TTC7A: variants seen among roughly 807,000 people sequenced by gnomAD.
TTC7A encodes tetratricopeptide repeat domain 7A.
Under a neutral mutation model 103.7 loss-of-function variants are expected in TTC7A, and 110 were observed. That is an observed-to-expected ratio of 1.06 (90% CI 0.91 to 1.24). The LOEUF is 1.24. TTC7A is among the 50% of genes most tolerant of loss of function. The probability of loss-of-function intolerance (pLI) is 0.00; values close to 1 mark genes in which losing one functional copy is unlikely to be tolerated. For missense variants in TTC7A, 1,340 were observed against 1,116.3 expected, an observed-to-expected ratio of 1.20 and a Z score of -2.86; for synonymous variants, 521 against 467.9, an observed-to-expected ratio of 1.11 and a Z score of -1.47.
chr2:47,021,897 C>T lies in TTC7A; in HGVS notation c.1428C>T (p.Ile476=), dbSNP rs1458638182. 1 of 1,614,194 alleles carries T rather than the reference C, an allele frequency of 6.2e-7. No homozygotes were observed. Among genetic ancestry groups the T allele is most frequent in the Non-Finnish European group, 8.5e-7 (1 of 1,179,998 alleles). Residue 476 remains isoleucine (I), a synonymous_variant, in exon 12 of 20, where the codon ATC becomes ATT. Coordinates refer to ENST00000319190, the MANE Select transcript of TTC7A (RefSeq NM_020458.4). The part of the protein sequence containing the change: ...EEAEHFAMMV[I]SLGEEAGEFL... The stretch of plus-strand genomic sequence containing the variant: ...CAGAGCACTTTGCCATGATGGTGAT[C>T]AGCCTCGGAGAGGAAGCCGGGGAGT...
intron 14 of TTC7A, among the ~76,000 whole-genome samples, chr2:47,024,598 C>A (rs1679680488): frequency 6.6e-6 from 1 of 152,148 alleles, no homozygotes; most frequent in Non-Finnish European, 1.5e-5. Context: ...CCTCACTCCC[C>A]CTACAACATT....
Position 47,021,862 on chromosome 2 carries a change from C to T in TTC7A, c.1393C>T (p.Leu465=). ...TGACCTCTGTCTCTCCTCTTTGCAG[C>T]TAGAGGAAGCAGAGCACTTTGCCAT... is the stretch of plus-strand genomic sequence containing the variant. ...AKVCIGSLRW[L]EEAEHFAMMV... Residue 465 remains leucine, a splice_region_variant and synonymous_variant, in exon 12 of 20, where the codon CTA becomes TTA. Coordinates refer to ENST00000319190, the MANE Select transcript of TTC7A (RefSeq NM_020458.4). The T allele has an allele frequency of 2.5e-6, 4 of 1,612,524 alleles. No homozygotes were observed. Among genetic ancestry groups the T allele is most frequent in the Non-Finnish European group, 3.4e-6 (4 of 1,178,504 alleles).
Position 47,006,605 on chromosome 2 carries a change from C to A in TTC7A, c.1204-36C>A, listed in dbSNP as rs189547636. 13 of 1,575,424 alleles carry A rather than the reference C, an allele frequency of 8.3e-6. No homozygotes were observed. In the African/African-American group the frequency reaches 1.8e-4, roughly 21 times the overall value. On this transcript the variant is annotated intron_variant, in intron 9 of 19. Transcript: ENST00000319190. ...TGCGGATGGCTGGGGTGGGAGGACC[C>A]CTGGTGGGTAAATGCTGACTATCTC...
intron 10 of TTC7A, among the ~76,000 whole-genome samples, chr2:47,009,449 C>T (rs114783442): frequency 0.047 from 7,082 of 152,208 alleles, 250 homozygotes; most frequent in South Asian, 0.11. Context: ...AGCACACCCT[C>T]GGCAAAGACA....
intron 11 of TTC7A, among the ~76,000 whole-genome samples, chr2:47,015,568 C>T (rs528047227): frequency 2.0e-5 from 3 of 152,318 alleles, no homozygotes; most frequent in South Asian, 2.1e-4. Context: ...GTCTGTGCCT[C>T]GGTTTCCTCA....
chr2:46,919,332 G>A (rs189935600), intron 2 of TTC7A, among the ~76,000 whole-genome samples: 14 of 152,318 alleles, frequency 9.2e-5, no homozygotes, highest in Admixed American at 7.8e-4. Flanking sequence ...TCAGGAGTTC[G>A]AGACCAGCCT....
At chr2:46,964,830 T>C (rs950577609) in intron 3 of TTC7A, among the ~76,000 whole-genome samples, 1 of 152,174 alleles carries the variant, frequency 6.6e-6, no homozygotes, top group Admixed American at 6.5e-5. Flanking sequence ...CTGCCATTTC[T>C]CCAGCCATTC....
At chr2:47,041,002 C>G (rs1407093139) in intron 15 of TTC7A, among the ~76,000 whole-genome samples, 1 of 152,192 alleles carries the variant, frequency 6.6e-6, no homozygotes, top group Non-Finnish European at 1.5e-5. Context: ...TTTCGGTATT[C>G]AGGCGTTTCG....
At position 47,006,187 on chromosome 2, in the gene TTC7A, G is replaced by A. The variant is rs181206388; in HGVS notation, c.1203+128G>A. ...CAGGCTGCTCTGCCGCTTTGACCTC[G>A]GCAAGTTGTACAAGTCTCAGCTTCC... On this transcript the variant is annotated intron_variant, in intron 9 of 19. Transcript: ENST00000319190. 2,339 of 1,220,102 alleles carry A rather than the reference G, an allele frequency of 1.9e-3. 5 individuals are homozygous for A. Among genetic ancestry groups the A allele is most frequent in the Non-Finnish European group, 2.4e-3 (2,101 of 891,632 alleles). 75.6% of individuals were successfully genotyped at this position (1,220,102 alleles called of 1,614,324 possible). A position where few individuals can be genotyped will look rare whatever the true frequency, so the allele number is the denominator to read the frequency against.
rs116131228 is a variant in TTC7A at position 47,006,832 on chromosome 2, G to A, written c.1287+108G>A. 1,184 of 910,204 alleles carry A rather than the reference G, an allele frequency of 1.3e-3. 10 individuals carry two copies. The African/African-American group carries it at 0.016, about 12-fold the overall frequency. 56.4% of individuals were successfully genotyped at this position (910,204 alleles called of 1,614,324 possible). A position where few individuals can be genotyped will look rare whatever the true frequency, so the allele number is the denominator to read the frequency against. On this transcript the variant is annotated intron_variant, in intron 10 of 19. Coordinates refer to ENST00000319190, the MANE Select transcript of TTC7A (RefSeq NM_020458.4). ...GGGAGTGGGTGGGTATTATCCTGCC[G>A]CTGGTTTGAACCTCCGGGAGAGTGA...
At chr2:47,009,909 TG>T (rs376337762) in intron 10 of TTC7A, among the ~76,000 whole-genome samples, 2 of 35,838 alleles carry the variant, frequency 5.6e-5, no homozygotes, top group Non-Finnish European at 1.2e-4. Flanking sequence ...TTTTTGGTGG[TG>T]GGGGGGACAG....
chr2:47,003,796 C>A (rs1166049122), intron 8 of TTC7A, among the ~76,000 whole-genome samples: 2 of 152,238 alleles, frequency 1.3e-5, no homozygotes, highest in African/African-American at 4.8e-5. Context: ...CCCGTCCTCT[C>A]ACACCCGAGC....
chr2:46,980,449 T>G (rs1242640870), intron 5 of TTC7A, among the ~76,000 whole-genome samples: 1 of 152,142 alleles, frequency 6.6e-6, no homozygotes, highest in Non-Finnish European at 1.5e-5. Flanking sequence ...TGGACTCAAG[T>G]GATCCTCCCG....
chr2:46,937,480 A>C, upstream of TTC7A, among the ~76,000 whole-genome samples: 1 of 152,250 alleles, frequency 6.6e-6, no homozygotes, highest in East Asian at 1.9e-4. The surrounding 1 kb of genome is among the most constrained non-coding windows in gnomAD (Gnocchi z 4.0). Flanking sequence ...TGGGACTTCG[A>C]ATTGTTTTAG....
At position 47,023,415 on chromosome 2, in the gene TTC7A, G is replaced by A. The variant is rs759226270; in HGVS notation, c.1518G>A (p.Leu506=). The A allele has an allele frequency of 9.3e-5, 150 of 1,613,908 alleles. No individual in the cohort carries two copies. The highest frequency in any genetic ancestry group is 1.2e-4 in the Non-Finnish European group (137 of 1,179,988). Residue 506 remains leucine (L), a synonymous_variant, in exon 13 of 20, where the codon CTG becomes CTA. Transcript: ENST00000319190. ...CTGTCCTGTCCCCTGCAGCCACCCT[G>A]AAGTCCAAGCAAGATGAATTGCACC... ...TYSLQATDAT[L]KSKQDELHRK...
At chr2:46,916,827 G>T (rs554409609) in intron 1 of TTC7A, among the ~76,000 whole-genome samples, 9 of 152,022 alleles carry the variant, frequency 5.9e-5, no homozygotes, top group Non-Finnish European at 1.0e-4. Flanking sequence ...TAGAGACGGG[G>T]TTTCACCGTG....
chr2:47,054,997 G>A (rs1265421463), intron 18 of TTC7A, among the ~76,000 whole-genome samples: 1 of 151,936 alleles, frequency 6.6e-6, no homozygotes, highest in Admixed American at 6.6e-5. Context: ...CACCCCCTGA[G>A]CCCTCTCCCC....
At chr2:46,956,282 C>T (rs185653385) in intron 2 of TTC7A, among the ~76,000 whole-genome samples, 50 of 152,178 alleles carry the variant, frequency 3.3e-4, no homozygotes, top group South Asian at 6.2e-4. Flanking sequence ...AGGATGGTGA[C>T]GCAGCAGGCC....
At chr2:47,055,071 G>A (rs1683207609) in intron 18 of TTC7A, among the ~76,000 whole-genome samples, 1 of 152,054 alleles carries the variant, frequency 6.6e-6, no homozygotes, top group Non-Finnish European at 1.5e-5. Flanking sequence ...AGGGCTGCCA[G>A]GACCAGATCA....
Sources: gnomAD v4.1 joint callset for allele counts (sites outside exome capture counted in the v4.1 genomes callset) on GRCh38, gnomAD v4.1.1 for gene constraint, Gnocchi (gnomAD v3.1) non-coding constraint, MANE v1.5 for transcripts, NCBI Gene and HGNC (gene_info 2026-07-23, HGNC 2026-07-21) for gene names.